The following PKN2 variants were observed in gnomAD, a reference collection of about 807,000 sequenced individuals.
PKN2 encodes protein kinase N2.
PKN2 carries 38 observed loss-of-function variants against 119.1 expected under a neutral mutation model. The ratio of observed to expected loss-of-function variants is 0.32; its 90% CI spans 0.25 to 0.42. The LOEUF is 0.42. PKN2 is among the 10% of genes least tolerant of loss of function. The probability of loss-of-function intolerance (pLI) is 1.00; values close to 1 mark genes in which losing one functional copy is unlikely to be tolerated. For synonymous variants in PKN2, 390 were observed against 384.9 expected, an observed-to-expected ratio of 1.01 and a Z score of -0.15; for missense variants, 850 against 1,165.1, an observed-to-expected ratio of 0.73 and a Z score of 3.94.
intron 15 of PKN2, among the ~76,000 whole-genome samples, chr1:88,813,142 T>C (rs527968045): frequency 1.2e-4 from 18 of 152,310 alleles, no homozygotes; most frequent in African/African-American, 3.8e-4. Flanking sequence ...TTGAATACTA[T>C]AGCTTGTGAA....
intron 1 of PKN2, among the ~76,000 whole-genome samples, chr1:88,718,349 G>A (rs915243180): frequency 2.0e-5 from 3 of 152,184 alleles, no homozygotes; most frequent in Non-Finnish European, 4.4e-5. Context: ...GCTCTCCAAA[G>A]CTTTCAGACA....
chr1:88,827,042 C>T (rs1332989880), intron 18 of PKN2, among the ~76,000 whole-genome samples: 1 of 152,026 alleles, frequency 6.6e-6, no homozygotes, highest in African/African-American at 2.4e-5. Flanking sequence ...TTCATAGACA[C>T]ACATTCATTT....
In PKN2 at chr1:88,771,830, A is replaced by G. The variant is rs749868011; in HGVS notation, c.936A>G (p.Ile312Met). The part of the protein sequence containing the change: ...SPTLSPRQSM[I>M]STQNQYSTLS... ...CACTAAGTCCACGTCAAAGTATGAT[A>G]TCTACGCAAAATCAATATAGTACAC... The change falls in exon 6 of 22, where the codon ATA (isoleucine) becomes ATG (methionine). Residue 312 changes from isoleucine (I) to methionine (M), a missense_variant. Ile to Met is a conservative substitution (Grantham distance 10, BLOSUM62 1). Coordinates refer to ENST00000370521, the MANE Select transcript of PKN2 (RefSeq NM_006256.4). 11 of 1,613,944 alleles carry G rather than the reference A, an allele frequency of 6.8e-6. No individual in the cohort carries two copies. The highest frequency in any genetic ancestry group is 8.5e-6 in the Non-Finnish European group (10 of 1,179,958).
intron 1 of PKN2, among the ~76,000 whole-genome samples, chr1:88,739,201 CGT>C (rs1480143141): frequency 6.6e-6 from 1 of 151,878 alleles, no homozygotes; most frequent in Non-Finnish European, 1.5e-5. Flanking sequence ...AGGCTGGGCA[CGT>C]GTTTCATGCC....
intron 1 of PKN2, among the ~76,000 whole-genome samples, chr1:88,709,058 A>C (rs1043501559): frequency 8.6e-5 from 13 of 151,510 alleles, no homozygotes; most frequent in African/African-American, 3.1e-4. Flanking sequence ...AATAATAATC[A>C]ATTTTTTTTT....
chr1:88,745,926 G>A (rs1049367527), intron 2 of PKN2, among the ~76,000 whole-genome samples: 7 of 152,116 alleles, frequency 4.6e-5, no homozygotes, highest in African/African-American at 9.6e-5. Context: ...ATAAACCCAC[G>A]CAATTCAAAT....
At chr1:88,712,142 T>C (rs146780106) in intron 1 of PKN2, among the ~76,000 whole-genome samples, 113 of 152,242 alleles carry the variant, frequency 7.4e-4, no homozygotes, top group African/African-American at 2.7e-3. Flanking sequence ...ACAACTGTTT[T>C]CCAATATGAT....
At chr1:88,747,463 A>G (rs556516308) in intron 2 of PKN2, among the ~76,000 whole-genome samples, 8 of 152,134 alleles carry the variant, frequency 5.3e-5, no homozygotes, top group Non-Finnish European at 1.2e-4. Flanking sequence ...CTGAGGCTAA[A>G]TGTACCTTAT....
At chr1:88,790,185 C>T (rs1237222383) in intron 8 of PKN2, among the ~76,000 whole-genome samples, 3 of 152,200 alleles carry the variant, frequency 2.0e-5, no homozygotes, top group Non-Finnish European at 4.4e-5. Flanking sequence ...TTACTATCAT[C>T]TTGAGAACTC....
intron 1 of PKN2, among the ~76,000 whole-genome samples, chr1:88,723,153 G>A (rs538327989): frequency 2.2e-4 from 34 of 151,396 alleles, no homozygotes; most frequent in African/African-American, 7.5e-4. Flanking sequence ...TGGCTCTGTC[G>A]CCCAGGCTGG....
At chr1:88,749,765 ATGTT>A (rs1448955841) in intron 2 of PKN2, among the ~76,000 whole-genome samples, 4 of 152,262 alleles carry the variant, frequency 2.6e-5, no homozygotes, top group African/African-American at 9.6e-5. Context: ...AGGAAGAAGT[ATGTT>A]AAGAATATAG....
intron 2 of PKN2, among the ~76,000 whole-genome samples, chr1:88,751,716 C>A (rs1669006897): frequency 6.6e-6 from 1 of 152,130 alleles, no homozygotes; most frequent in Non-Finnish European, 1.5e-5. Context: ...ACATGCTGAT[C>A]ATTTTCTTTG....
At position 88,741,174 on chromosome 1, in the gene PKN2, T is replaced by G. The variant is rs534807987; in HGVS notation, c.235T>G (p.Leu79Val). ...GAAAGTCACAACAGATAAAAAAAGTTTGGCTTATGTAGACAACATTTTGAA... is the reference window on the plus strand; with the variant it reads ...GAAAGTCACAACAGATAAAAAAAGTGTGGCTTATGTAGACAACATTTTGAA... ...LRKVTTDKKS[L>V]AYVDNILKKS... The change falls in exon 2 of 22, where the codon TTG becomes GTG. Residue 79 changes from leucine (L) to valine (V), a missense_variant. Transcript: ENST00000370521. 87 of 1,609,962 alleles carry G rather than the reference T, an allele frequency of 5.4e-5. 1 individual carries two copies. The South Asian group carries it at 9.2e-4, about 17-fold the overall frequency.
chr1:88,730,887 A>G (rs1331584910), intron 1 of PKN2, among the ~76,000 whole-genome samples: 2 of 152,266 alleles, frequency 1.3e-5, no homozygotes, highest in Admixed American at 6.5e-5. Context: ...TTGCAGTATC[A>G]GAATTTATAC....
intron 6 of PKN2, 129 bp downstream of exon 6, chr1:88,772,008 GTTGTAT>G (rs1256620586): frequency 1.6e-6 from 1 of 639,314 alleles, no homozygotes; most frequent in Non-Finnish European, 2.7e-6. Flanking sequence ...AATAAAATTT[GTTGTAT>G]TAACCATTTT....
rs148074756 is a variant in PKN2, at chr1:88,808,525, C to T, written c.2102+750C>T. Among the ~76,000 whole-genome samples, 429 of 152,072 alleles carry T rather than the reference C, an allele frequency of 2.8e-3. 3 individuals are homozygous for T. The highest frequency in any genetic ancestry group is 1.0e-2 in the African/African-American group (413 of 41,448). ...TTCACCATGTTAGCCAGGATGGTCTCGATCTCCTGACCTCATGATCCGCCA... is the reference window on the plus strand; with the variant it reads ...TTCACCATGTTAGCCAGGATGGTCTTGATCTCCTGACCTCATGATCCGCCA... On this transcript the variant is annotated intron_variant, in intron 15 of 21. Transcript: ENST00000370521.
At chr1:88,687,804 A>G (rs1666163181) in intron 1 of PKN2, among the ~76,000 whole-genome samples, 1 of 152,234 alleles carries the variant, frequency 6.6e-6, no homozygotes, top group Non-Finnish European at 1.5e-5. Flanking sequence ...GGATATAAAG[A>G]TGACAAGATA....
intron 1 of PKN2, among the ~76,000 whole-genome samples, chr1:88,719,016 A>C (rs1478657974): frequency 6.6e-6 from 1 of 152,164 alleles, no homozygotes; most frequent in Non-Finnish European, 1.5e-5. Context: ...GCTAAATGTG[A>C]TATTTATCAT....
chr1:88,791,203 C>T (rs1268939767), intron 8 of PKN2, among the ~76,000 whole-genome samples: 1 of 151,886 alleles, frequency 6.6e-6, no homozygotes, highest in Non-Finnish European at 1.5e-5. Context: ...TTCGGCAGGC[C>T]GAAGTGGGCA....
Sources: gnomAD v4.1 joint callset for allele counts (sites outside exome capture counted in the v4.1 genomes callset) on GRCh38, gnomAD v4.1.1 for gene constraint, MANE v1.5 for transcripts, NCBI Gene and HGNC (gene_info 2026-07-23, HGNC 2026-07-21) for gene names.